The following VCAN variants were observed in gnomAD, a reference collection of about 807,000 sequenced individuals.
VCAN encodes versican core protein.
In VCAN, 44 loss-of-function variants were observed where a neutral mutation model predicts 245.5. The ratio of observed to expected loss-of-function variants is 0.18; its 90% CI spans 0.14 to 0.23. The LOEUF is 0.23. Ranked by LOEUF, VCAN falls within the 10% of genes least tolerant of loss-of-function variation. The pLI is 1.00. For missense variants in VCAN, 3,793 were observed against 4,057.9 expected (o/e 0.93, Z 1.77); for synonymous variants, 1,413 against 1,437.0 (o/e 0.98, Z 0.38).
At chr5:83,493,398 A>C (rs1466048917) in intron 3 of VCAN, 148 bp from the exon 4 acceptor site, 41 of 1,098,144 alleles carry the variant, frequency 3.7e-5, no homozygotes, top group Non-Finnish European at 4.6e-5. Context: ...ATGATTTTGC[A>C]TAATGCTGCA....
chr5:83,493,608 A>G lies in VCAN; in HGVS notation c.508A>G (p.Lys170Glu). The G allele has an allele frequency of 6.2e-7, 1 of 1,614,054 alleles. No individual in the cohort carries two copies. The highest frequency in any genetic ancestry group is 8.5e-7 in the Non-Finnish European group (1 of 1,180,008). The change falls in exon 4 of 15, where the codon AAG becomes GAG. Residue 170 changes from lysine to glutamate, a missense_variant. By Grantham distance (56) the Lys-to-Glu change is moderately conservative (BLOSUM62 1). Around this residue, in one of 5 missense-constraint regions of VCAN, gnomAD observed 190 missense variants for 288.6 expected, o/e 0.66. Coordinates refer to ENST00000265077, the MANE Select transcript of VCAN (RefSeq NM_004385.5). ...CACACTGAATTTTGAGGCTGCTCAG[A>G]AGGCTTGTTTGGACGTTGGGGCAGT... ...RYTLNFEAAQ[K>E]ACLDVGAVIA... is the part of the protein sequence containing the mutation.
intron 7 of VCAN, among the ~76,000 whole-genome samples, chr5:83,526,660 A>G (rs538462722): frequency 3.0e-4 from 45 of 152,362 alleles, no homozygotes; most frequent in African/African-American, 9.9e-4. Context: ...CTGATTATCT[A>G]TATCTTTATC....
chr5:83,569,883 C>T (rs1748224384), intron 12 of VCAN, among the ~76,000 whole-genome samples: 1 of 151,894 alleles, frequency 6.6e-6, no homozygotes, highest in African/African-American at 2.4e-5. Context: ...CCTACTTTAA[C>T]TCATTCATTA....
intron 5 of VCAN, among the ~76,000 whole-genome samples, chr5:83,510,808 T>C (rs746121599): frequency 6.6e-6 from 1 of 152,206 alleles, no homozygotes; most frequent in Non-Finnish European, 1.5e-5. Flanking sequence ...ACAAAGCAAC[T>C]GTCCAGCCTT....
In VCAN at chr5:83,520,372, C is replaced by T; in HGVS notation, c.2066C>T (p.Thr689Ile). 1 of 1,612,332 alleles carries T rather than the reference C, an allele frequency of 6.2e-7. No homozygotes were observed. The highest frequency in any genetic ancestry group is 8.5e-7 in the Non-Finnish European group (1 of 1,179,394). The change falls in exon 7 of 15, where the codon ACA becomes ATA. Residue 689 changes from threonine to isoleucine, a missense_variant. Thr to Ile is a moderately conservative substitution (Grantham distance 89). Coordinates refer to ENST00000265077, the MANE Select transcript of VCAN (RefSeq NM_004385.5). ...ACACATAGAAGAGAAAGAACAGAAA[C>T]ACTAATACCAGAGATGAGAACAGAT... The part of the protein sequence containing the change: ...EMTHRRERTE[T>I]LIPEMRTDTY...
At chr5:83,555,315 C>G (rs1747629871) in intron 12 of VCAN, among the ~76,000 whole-genome samples, 1 of 152,172 alleles carries the variant, frequency 6.6e-6, no homozygotes. Flanking sequence ...TTGGGTCTGT[C>G]TTTCAGATGG....
intron 12 of VCAN, among the ~76,000 whole-genome samples, chr5:83,562,716 G>A (rs911123641): frequency 6.6e-5 from 10 of 151,876 alleles, no homozygotes; most frequent in Non-Finnish European, 8.8e-5. Flanking sequence ...CATTTGGATC[G>A]TCAGCCCTTC....
chr5:83,561,098 C>CT (rs1252886617), intron 12 of VCAN, among the ~76,000 whole-genome samples: 3 of 152,128 alleles, frequency 2.0e-5, no homozygotes, highest in Non-Finnish European at 2.9e-5. Flanking sequence ...ATCTCCTTCA[C>CT]TTTTTTTACT....
At chr5:83,504,942 A>G (rs1045110864) in intron 5 of VCAN, among the ~76,000 whole-genome samples, 8 of 152,122 alleles carry the variant, frequency 5.3e-5, no homozygotes, top group African/African-American at 1.9e-4. Flanking sequence ...AAAATGAGGA[A>G]GAAGCAAAAG....
chr5:83,557,752 G>A (rs1747727731), intron 12 of VCAN, among the ~76,000 whole-genome samples: 2 of 152,236 alleles, frequency 1.3e-5, no homozygotes, highest in Admixed American at 6.5e-5. Flanking sequence ...ACTTCCAGAG[G>A]AAGATAACAT....
chr5:83,502,312 G>C (rs943051782), intron 5 of VCAN, among the ~76,000 whole-genome samples: 4 of 152,018 alleles, frequency 2.6e-5, no homozygotes, highest in African/African-American at 9.7e-5. Context: ...TTCATGTCAG[G>C]GTCTCCTGGA....
intron 6 of VCAN, among the ~76,000 whole-genome samples, chr5:83,515,527 T>G (rs1745815429): frequency 6.6e-6 from 1 of 152,214 alleles, no homozygotes; most frequent in Admixed American, 6.5e-5. Flanking sequence ...TTTCTATTGT[T>G]GATCACAATT....
intron 12 of VCAN, among the ~76,000 whole-genome samples, chr5:83,558,107 T>C (rs976477258): frequency 6.6e-6 from 1 of 152,132 alleles, no homozygotes; most frequent in African/African-American, 2.4e-5. Flanking sequence ...TTTCTTGCTT[T>C]TGTAACCACC....
At chr5:83,498,499 T>C (rs1048056079) in intron 5 of VCAN, among the ~76,000 whole-genome samples, 1 of 152,202 alleles carries the variant, frequency 6.6e-6, no homozygotes, top group African/African-American at 2.4e-5. Context: ...GTTTCACACT[T>C]CTCCAGGATC....
Position 83,564,309 on chromosome 5 carries a change from C to A in VCAN, c.9736-8107C>A, listed in dbSNP as rs536877689. Among the ~76,000 whole-genome samples the A allele has an allele frequency of 3.3e-5, 5 of 152,068 alleles. No homozygotes were observed. In the South Asian group the frequency reaches 1.0e-3, roughly 32 times the overall value. ...TCATAATGTAAGAATGGATATATAT[C>A]ACCACCTAGTGGTCGTATTGTATTT... On this transcript the variant is annotated intron_variant, in intron 12 of 14. Coordinates refer to ENST00000265077, the MANE Select transcript of VCAN (RefSeq NM_004385.5).
intron 6 of VCAN, among the ~76,000 whole-genome samples, chr5:83,513,559 A>G (rs1316641609): frequency 6.6e-6 from 1 of 152,132 alleles, no homozygotes; most frequent in Non-Finnish European, 1.5e-5. Flanking sequence ...CCTTAGACTC[A>G]ACTTTCTGAG....
At chr5:83,500,426 C>A (rs1745297083) in intron 5 of VCAN, among the ~76,000 whole-genome samples, 2 of 152,146 alleles carry the variant, frequency 1.3e-5, no homozygotes, top group Non-Finnish European at 1.5e-5. Context: ...ATGGTGGGAG[C>A]ACCTCTGGAA....
At chr5:83,505,076 A>T (rs1392327242) in intron 5 of VCAN, among the ~76,000 whole-genome samples, 1 of 152,114 alleles carries the variant, frequency 6.6e-6, no homozygotes, top group East Asian at 1.9e-4. Context: ...AACACATGGG[A>T]ATTCTGCGAG....
Position 83,514,073 on chromosome 5 carries a change from T to C in VCAN, c.1042+1677T>C, listed in dbSNP as rs576736717. ...ATCCTGATGTGTTTTAAATTATTTA[T>C]TTAATTGAAAAATACACATGAAATA... On this transcript the variant is annotated intron_variant, in intron 6 of 14. Transcript: ENST00000265077. Among the ~76,000 whole-genome samples the C allele has an allele frequency of 1.3e-4, 20 of 152,346 alleles. No homozygotes were observed. The East Asian group carries it at 2.1e-3, about 16-fold the overall frequency.
Sources: allele counts gnomAD v4.1 joint callset (sites outside exome capture counted in the v4.1 genomes callset), GRCh38; gene constraint gnomAD v4.1.1; regional missense constraint gnomAD v4.1.1; transcripts MANE v1.5; gene names NCBI Gene and HGNC (gene_info 2026-07-23, HGNC 2026-07-21).